BORCS5: variants seen among roughly 807,000 people sequenced by gnomAD.
BORCS5 encodes BLOC-1-related complex subunit 5.
BORCS5 carries 17 observed loss-of-function variants against 22.1 expected under a neutral mutation model. That is an observed-to-expected ratio of 0.77 (90% CI 0.53 to 1.15). The LOEUF (loss-of-function observed/expected upper bound fraction) is 1.15, where lower values mean the gene tolerates loss of function less well. Ranked by LOEUF, BORCS5 falls within the 50% of genes most tolerant of loss-of-function variation. The pLI, the probability that BORCS5 is intolerant of heterozygous loss-of-function variation, is 0.00. For missense variants in BORCS5, 247 were observed against 253.2 expected, an observed-to-expected ratio of 0.98 and a Z score of 0.17; for synonymous variants, 117 against 99.8, an observed-to-expected ratio of 1.17 and a Z score of -1.03.
intron 2 of BORCS5, among the ~76,000 whole-genome samples, chr12:12,365,522 TC>T (rs1290686739): frequency 6.7e-6 from 1 of 148,676 alleles, no homozygotes; most frequent in African/African-American, 2.5e-5. Context: ...GTATAATTCA[TC>T]CCCCCCACCC....
chr12:12,364,341 A>C (rs988170483), intron 2 of BORCS5, among the ~76,000 whole-genome samples: 6 of 151,912 alleles, frequency 3.9e-5, no homozygotes, highest in Non-Finnish European at 4.4e-5. Flanking sequence ...ATGCCACTGC[A>C]CTCCAGCCTG....
At chr12:12,425,993 G>A (rs944853523) in intron 2 of BORCS5, among the ~76,000 whole-genome samples, 19 of 152,182 alleles carry the variant, frequency 1.2e-4, no homozygotes, top group Non-Finnish European at 2.1e-4. Context: ...ACTTTATATA[G>A]TTCCCATAAT....
chr12:12,365,474 C>T (rs540670582), intron 2 of BORCS5, among the ~76,000 whole-genome samples: 35 of 152,088 alleles, frequency 2.3e-4, no homozygotes, highest in South Asian at 4.1e-4. Context: ...GCCACCATGC[C>T]CGGCCCGAGT....
At chr12:12,433,780 G>T (rs1227673845) in intron 2 of BORCS5, among the ~76,000 whole-genome samples, 1 of 152,204 alleles carries the variant, frequency 6.6e-6, no homozygotes, top group African/African-American at 2.4e-5. Flanking sequence ...GAGGAGCCTA[G>T]CAGTGCCTCG....
At chr12:12,442,418 G>C (rs890865470) in intron 3 of BORCS5, among the ~76,000 whole-genome samples, 2 of 152,190 alleles carry the variant, frequency 1.3e-5, no homozygotes, top group East Asian at 1.9e-4. Flanking sequence ...TGAAGGCCTT[G>C]AGAGTACATT....
Position 12,435,748 on chromosome 12 carries a change from C to T in BORCS5, c.323C>T (p.Ala108Val), listed in dbSNP as rs755942255. Residue 108 changes from alanine (A) to valine (V), a missense_variant, in exon 3 of 4, where the codon GCT becomes GTT. Coordinates refer to ENST00000314565, the MANE Select transcript of BORCS5 (RefSeq NM_058169.6). ...CTGCATCAGTGTGCAGAGGCCGTTG[C>T]TTTTGACCAGAATGCTTTGGTTAAA... ...DHLHQCAEAVAFDQNALVKRI... is the reference protein window; with the variant it reads ...DHLHQCAEAVVFDQNALVKRI... 1 of 1,613,922 alleles carries T rather than the reference C, an allele frequency of 6.2e-7. No individual in the cohort carries two copies.
intron 3 of BORCS5, chr12:12,452,505 T>TA (rs1942929913): frequency 2.2e-6 from 1 of 446,024 alleles, no homozygotes; most frequent in Non-Finnish European, 4.6e-6. Context: ...GCCCACCGGG[T>TA]AGGCACTGGG....
chr12:12,379,412 A>G (rs1031602983), intron 2 of BORCS5, among the ~76,000 whole-genome samples: 4 of 151,546 alleles, frequency 2.6e-5, no homozygotes, highest in African/African-American at 9.7e-5. Flanking sequence ...ACCACACCTA[A>G]GCCTGCAACT....
Position 12,458,116 on chromosome 12 carries a change from T to C in BORCS5, c.361-7430T>C, listed in dbSNP as rs551349022. 3.4e-3 allele frequency among the ~76,000 whole-genome samples: 513 copies of C among 152,352 alleles called. 7 individuals are homozygous for C. Among genetic ancestry groups the C allele is most frequent in the African/African-American group, 0.011 (474 of 41,580 alleles). On this transcript the variant is annotated intron_variant, in intron 3 of 3. Coordinates refer to ENST00000314565, the MANE Select transcript of BORCS5 (RefSeq NM_058169.6). Reference sequence around the variant, plus strand: ...AATTGTCTGGGTAACATCTGCCTACTGTTTTTTGTTTTGTTTTGTTTTGTT... The same window carrying C: ...AATTGTCTGGGTAACATCTGCCTACCGTTTTTTGTTTTGTTTTGTTTTGTT...
At chr12:12,408,116 T>C (rs1827133189) in intron 2 of BORCS5, among the ~76,000 whole-genome samples, 1 of 152,254 alleles carries the variant, frequency 6.6e-6, no homozygotes, top group African/African-American at 2.4e-5. Context: ...CCATCTGTAT[T>C]CTAGCATGTA....
chr12:12,447,692 G>A (rs1023368297), intron 3 of BORCS5, among the ~76,000 whole-genome samples: 1 of 152,196 alleles, frequency 6.6e-6, no homozygotes, highest in African/African-American at 2.4e-5. Flanking sequence ...TGTTCTCTGA[G>A]TCAAAAAGGG....
At chr12:12,380,722 C>T (rs1468615431) in intron 2 of BORCS5, among the ~76,000 whole-genome samples, 3 of 151,300 alleles carry the variant, frequency 2.0e-5, no homozygotes, top group Non-Finnish European at 3.0e-5. Context: ...TTTTACATTC[C>T]TTCCAGCAAT....
chr12:12,406,487 A>G, intron 2 of BORCS5, among the ~76,000 whole-genome samples: 1 of 152,216 alleles, frequency 6.6e-6, no homozygotes. Context: ...ATGAGTTAAC[A>G]CGTGCAAGAA....
At position 12,450,630 on chromosome 12, in the gene BORCS5, C is replaced by A. The variant is rs185757186; in HGVS notation, c.360+14845C>A. 1.2e-4 allele frequency among the ~76,000 whole-genome samples: 19 copies of A among 152,288 alleles called. No individual in the cohort carries two copies. The East Asian group carries it at 3.5e-3, about 28-fold the overall frequency. On this transcript the variant is annotated intron_variant, in intron 3 of 3. Coordinates refer to ENST00000314565, the MANE Select transcript of BORCS5 (RefSeq NM_058169.6). ...AAAAGGCATTAAACACACTGCTCAACATGGTATGTATTTAATTGAAATGAG... is the reference window on the plus strand; with the variant it reads ...AAAAGGCATTAAACACACTGCTCAAAATGGTATGTATTTAATTGAAATGAG...
Position 12,470,271 on chromosome 12 carries a change from T to C in BORCS5, c.*4495T>C, listed in dbSNP as rs1943271426. On this transcript the variant is annotated 3_prime_UTR_variant, in exon 4 of 4. Transcript: ENST00000314565. ...TTTTAGTAGAGATGGGGTTTCACCATGTTGGCCAGGCAGGTCTCAAACTCC... is the reference window on the plus strand; with the variant it reads ...TTTTAGTAGAGATGGGGTTTCACCACGTTGGCCAGGCAGGTCTCAAACTCC... Among the ~76,000 whole-genome samples the C allele has an allele frequency of 6.6e-6, 1 of 152,180 alleles. No homozygotes were observed.
At chr12:12,422,988 T>A (rs200997560) in intron 2 of BORCS5, among the ~76,000 whole-genome samples, 7 of 81,994 alleles carry the variant, frequency 8.5e-5, no homozygotes, top group Admixed American at 4.8e-4. Flanking sequence ...GGGCTTTTTT[T>A]TTTTTATTTT....
At chr12:12,463,194 T>G (rs1347059947) in intron 3 of BORCS5, among the ~76,000 whole-genome samples, 5 of 152,168 alleles carry the variant, frequency 3.3e-5, no homozygotes, top group Admixed American at 3.3e-4. Flanking sequence ...AGCATGTGTC[T>G]GGGGGTTCGT....
At chr12:12,439,181 C>T (rs530754509) in intron 3 of BORCS5, among the ~76,000 whole-genome samples, 60 of 152,304 alleles carry the variant, frequency 3.9e-4, no homozygotes, top group African/African-American at 1.1e-3. Context: ...ATTCTGATGT[C>T]TGGGTCTCAC....
chr12:12,411,229 C>A (rs1334392758), intron 2 of BORCS5, among the ~76,000 whole-genome samples: 1 of 152,152 alleles, frequency 6.6e-6, no homozygotes, highest in Non-Finnish European at 1.5e-5. Context: ...CTTCTCCTGC[C>A]TGATTGCCCT....
Sources: gnomAD v4.1 joint callset for allele counts (sites outside exome capture counted in the v4.1 genomes callset) on GRCh38, gnomAD v4.1.1 for gene constraint, MANE v1.5 for transcripts, NCBI Gene and HGNC (gene_info 2026-07-23, HGNC 2026-07-21) for gene names.